The following NRBP1 variants were observed in gnomAD, a reference collection of about 807,000 sequenced individuals.
The protein encoded by NRBP1 is nuclear receptor-binding protein.
Under a neutral mutation model 76.0 loss-of-function variants are expected in NRBP1, and 10 were observed. The ratio of observed to expected loss-of-function variants is 0.13; its 90% CI spans 0.08 to 0.22. The LOEUF is 0.22. NRBP1 is among the 10% of genes least tolerant of loss of function. The pLI is 1.00. For synonymous variants in NRBP1, 235 were observed against 240.2 expected (o/e 0.98, Z 0.20); for missense variants, 344 against 646.0 (o/e 0.53, Z 5.07).
intron 1 of NRBP1, among the ~76,000 whole-genome samples, chr2:27,429,573 C>T (rs1247885057): frequency 6.6e-6 from 1 of 152,154 alleles, no homozygotes; most frequent in Non-Finnish European, 1.5e-5. Context: ...CATGTGTTAT[C>T]TCTTTAAAAC....
rs1664452762 is a variant in NRBP1, at chr2:27,439,729, C to T, written c.904-37C>T. ...TAAAGATGAACACACTGGGGGCTTGCCAGATGCCTGCTCCAGTTCCTTGTT... is the reference window on the plus strand; with the variant it reads ...TAAAGATGAACACACTGGGGGCTTGTCAGATGCCTGCTCCAGTTCCTTGTT... On this transcript the variant is annotated intron_variant, in intron 10 of 17. Coordinates refer to ENST00000379852, the MANE Select transcript of NRBP1 (RefSeq NM_013392.4). 3 of 1,612,024 alleles carry T rather than the reference C, an allele frequency of 1.9e-6. No individual in the cohort carries two copies. The South Asian group carries it at 3.3e-5, about 18-fold the overall frequency.
At chr2:27,435,513 C>G in intron 7 of NRBP1, 1 of 617,294 alleles carries the variant, frequency 1.6e-6, no homozygotes, top group South Asian at 1.9e-5. Flanking sequence ...GATTTGAGTC[C>G]TGGGGCCAGA....
chr2:27,433,828 A>G, intron 3 of NRBP1, 33 bp downstream of exon 3: 1 of 1,613,866 alleles, frequency 6.2e-7, no homozygotes, highest in Non-Finnish European at 8.5e-7. Flanking sequence ...AGCCTGGGGA[A>G]TGTTGGAACA....
At chr2:27,435,786 C>T in intron 7 of NRBP1, 1 of 717,570 alleles carries the variant, frequency 1.4e-6, no homozygotes, top group East Asian at 2.7e-5. Context: ...TCTGTTTGTG[C>T]TCCCTCTGCT....
intron 2 of NRBP1, 48 bp from the exon 3 acceptor site, chr2:27,433,625 G>A: frequency 6.2e-7 from 1 of 1,612,540 alleles, no homozygotes; most frequent in Middle Eastern, 1.7e-4. Flanking sequence ...TTAAAATGGA[G>A]GATTTGTGAG....
intron 5 of NRBP1, 22 bp from the exon 6 acceptor site, chr2:27,434,700 C>T (rs1664240145): frequency 3.1e-6 from 5 of 1,614,154 alleles, no homozygotes; most frequent in Non-Finnish European, 4.2e-6. Flanking sequence ...ACTGCTGACC[C>T]TTGGATCCAA....
chr2:27,434,774 C>T lies in NRBP1; in HGVS notation c.566+12C>T. 6.2e-7 allele frequency: 1 copy of T among 1,613,396 alleles called. No homozygotes were observed. The highest frequency in any genetic ancestry group is 1.1e-5 in the South Asian group (1 of 91,052). On this transcript the variant is annotated intron_variant, in intron 6 of 17. Coordinates refer to ENST00000379852, the MANE Select transcript of NRBP1 (RefSeq NM_013392.4). ...CTCTCTGCCCTAAGGTAAGTAGTAC[C>T]TGGTTAGTTTCTTACCCATATTTCC...
chr2:27,439,441 C>T (rs1177949735), intron 10 of NRBP1, among the ~76,000 whole-genome samples: 7 of 148,098 alleles, frequency 4.7e-5, no homozygotes, highest in East Asian at 2.0e-4. Context: ...GCTGAGATTG[C>T]GCCACTGCAC....
intron 1 of NRBP1, among the ~76,000 whole-genome samples, chr2:27,432,948 A>G (rs1365412123): frequency 6.6e-6 from 1 of 151,962 alleles, no homozygotes; most frequent in Non-Finnish European, 1.5e-5. Flanking sequence ...GCGTGATCTC[A>G]GCTCACTGCA....
chr2:27,441,534 T>G, intron 16 of NRBP1, 33 bp from the exon 17 acceptor site: 1 of 1,612,840 alleles, frequency 6.2e-7, no homozygotes. Context: ...CTCAGTCCCG[T>G]ACTGTACTCA....
rs545483674 is a variant in NRBP1, at chr2:27,433,206, C to T, written c.-20-48C>T. 1.2e-4 allele frequency: 164 copies of T among 1,347,680 alleles called. No individual in the cohort carries two copies. In the African/African-American group the frequency reaches 2.0e-3, roughly 16 times the overall value. The allele number at this position is 1,347,680 out of a possible 1,614,324, so 83.5% of individuals were successfully genotyped here. On this transcript the variant is annotated intron_variant, in intron 1 of 17. Transcript: ENST00000379852. ...GATTACTAAATCTTTACAGATGTATCCTGACTTTCTCTGCCTTTTCCCTCT... is the reference window on the plus strand; with the variant it reads ...GATTACTAAATCTTTACAGATGTATTCTGACTTTCTCTGCCTTTTCCCTCT...
chr2:27,428,757 C>T, intron 1 of NRBP1, 26 bp downstream of exon 1: 1 of 397,500 alleles, frequency 2.5e-6, no homozygotes, highest in Non-Finnish European at 4.4e-6. Context: ...AAAGAGGGCC[C>T]GGGAGGGAGG....
chr2:27,430,469 C>CT lies in NRBP1; in HGVS notation c.-21+1755dup, dbSNP rs977927783. ...TTCTTTTTCTTTTCTTTCTTTTTTT[C>CT]TTTTTTTTTTTTTTTTTGAGTCATA... On this transcript the variant is annotated intron_variant, in intron 1 of 17. Coordinates refer to ENST00000379852, the MANE Select transcript of NRBP1 (RefSeq NM_013392.4). Among the ~76,000 whole-genome samples the CT allele has an allele frequency of 6.7e-3, 935 of 138,658 alleles. 11 individuals are homozygous for CT. Among genetic ancestry groups the CT allele is most frequent in the Middle Eastern group, 0.011 (3 of 264 alleles). The allele number at this position is 138,658 out of a possible 152,430, so 91.0% of individuals were successfully genotyped here.
At chr2:27,431,348 T>C (rs1664108680) in intron 1 of NRBP1, among the ~76,000 whole-genome samples, 1 of 152,242 alleles carries the variant, frequency 6.6e-6, no homozygotes. Flanking sequence ...CCCCAGAGAA[T>C]GGAAACTTCA....
At position 27,440,507 on chromosome 2, in the gene NRBP1, T is replaced by C. The variant is rs1323301023; in HGVS notation, c.1141T>C (p.Leu381=). 6.2e-7 allele frequency: 1 copy of C among 1,612,794 alleles called. No homozygotes were observed. Among genetic ancestry groups the C allele is most frequent in the South Asian group, 1.1e-5 (1 of 91,036 alleles). The stretch of plus-strand genomic sequence containing the variant: ...ACCAGGAAGAGAACCAGTTCAGACT[T>C]TGTGAGTAACTGAGAGGGTCTGAAA... ...AGPGREPVQT[L]YSQSPALELD... Residue 381 remains leucine (L), a splice_region_variant and synonymous_variant, in exon 12 of 18, where the codon TTG becomes CTG. Coordinates refer to ENST00000379852, the MANE Select transcript of NRBP1 (RefSeq NM_013392.4).
At chr2:27,432,580 T>TTTG (rs1664150779) in intron 1 of NRBP1, among the ~76,000 whole-genome samples, 1 of 151,690 alleles carries the variant, frequency 6.6e-6, no homozygotes. Flanking sequence ...AAATCTTTTT[T>TTTG]TTTGTTTGTT....
chr2:27,437,240 T>G, intron 9 of NRBP1, 22 bp from the exon 10 acceptor site: 1 of 1,607,778 alleles, frequency 6.2e-7, no homozygotes, highest in Non-Finnish European at 8.5e-7. Context: ...TCTACTTTTT[T>G]TTTTATTCTT....
intron 9 of NRBP1, 31 bp downstream of exon 9, chr2:27,437,136 G>A: frequency 2.5e-6 from 4 of 1,606,322 alleles, no homozygotes; most frequent in Non-Finnish European, 3.4e-6. Context: ...GGGGGAAAGG[G>A]GTCAGATGAG....
At position 27,433,286 on chromosome 2, in the gene NRBP1, G is replaced by C. The variant is rs771034587; in HGVS notation, c.13G>C (p.Glu5Gln). The C allele has an allele frequency of 1.2e-6, 2 of 1,613,814 alleles. No individual in the cohort carries two copies. The highest frequency in any genetic ancestry group is 1.7e-6 in the Non-Finnish European group (2 of 1,179,960). The stretch of plus-strand genomic sequence containing the variant: ...TGTTCCTTCCAGCATGTCGGAGGGG[G>C]AGTCCCAGACAGTACTTAGCAGTGG... Reference protein sequence around the residue: MSEGESQTVLSSGSD... With the variant: MSEGQSQTVLSSGSD... The change falls in exon 2 of 18, where the codon GAG (glutamate) becomes CAG (glutamine). Residue 5 changes from glutamate to glutamine, a missense_variant. This residue lies in a region of NRBP1 where 53 missense variants were observed against 48.4 expected (regional missense o/e 1.09). Transcript: ENST00000379852.
Sources: gnomAD v4.1 joint callset for allele counts (sites outside exome capture counted in the v4.1 genomes callset) on GRCh38, gnomAD v4.1.1 for gene constraint, gnomAD v4.1.1 regional missense constraint, MANE v1.5 for transcripts, NCBI Gene and HGNC (gene_info 2026-07-23, HGNC 2026-07-21) for gene names.